The following CADM1 variants were observed in gnomAD, a reference collection of about 807,000 sequenced individuals.
The protein encoded by CADM1 is TSLC-1.
A neutral mutation model predicts 53.1 loss-of-function variants in CADM1; 15 were observed. That is an observed-to-expected ratio of 0.28 (90% CI 0.19 to 0.44). The LOEUF (loss-of-function observed/expected upper bound fraction) is 0.44, where lower values mean the gene tolerates loss of function less well. Among genes scored for constraint, CADM1 ranks in the 20% least tolerant of loss-of-function variants. The pLI, the probability that CADM1 is intolerant of heterozygous loss-of-function variation, is 1.00. For missense variants in CADM1, 434 were observed against 611.3 expected, an observed-to-expected ratio of 0.71 and a Z score of 3.06; for synonymous variants, 281 against 243.0, an observed-to-expected ratio of 1.16 and a Z score of -1.45.
intron 1 of CADM1, among the ~76,000 whole-genome samples, chr11:115,294,331 C>T (rs905004950): frequency 6.6e-6 from 1 of 152,146 alleles, no homozygotes; most frequent in African/African-American, 2.4e-5. Flanking sequence ...CCTCCACTTC[C>T]TCACCAAACC....
chr11:115,469,669 CTT>C (rs554156174), intron 1 of CADM1, among the ~76,000 whole-genome samples: 1 of 100,464 alleles, frequency 1.0e-5, no homozygotes. Context: ...AACTTCTGGG[CTT>C]TTTTTTTTTT....
Position 115,441,423 on chromosome 11 carries a change from AC to A in CADM1, c.124+62847del, listed in dbSNP as rs571067312. Among the ~76,000 whole-genome samples, 24 of 152,326 alleles carry A rather than the reference AC, an allele frequency of 1.6e-4. 1 individual carries two copies. Among genetic ancestry groups the A allele is most frequent in the Middle Eastern group, 3.4e-3 (1 of 294 alleles). On this transcript the variant is annotated intron_variant, in intron 1 of 11. Transcript: ENST00000331581. ...AAAACCAGAATGCTGTTTCACCTCT[AC>A]CCAAGACATTTAATAATGATAACTG...
chr11:115,384,518 T>A (rs1184538038), intron 1 of CADM1, among the ~76,000 whole-genome samples: 2 of 152,208 alleles, frequency 1.3e-5, no homozygotes, highest in African/African-American at 4.8e-5. Flanking sequence ...ATTCATTCTG[T>A]TTTTAATTAA....
At chr11:115,292,921 TTGC>T (rs1471106072) in intron 1 of CADM1, among the ~76,000 whole-genome samples, 2 of 152,230 alleles carry the variant, frequency 1.3e-5, no homozygotes, top group African/African-American at 4.8e-5. Flanking sequence ...CCCTTGCTAT[TTGC>T]ATACTGTAAT....
At chr11:115,459,898 A>G (rs1948758365) in intron 1 of CADM1, among the ~76,000 whole-genome samples, 1 of 152,180 alleles carries the variant, frequency 6.6e-6, no homozygotes, top group Admixed American at 6.5e-5. Context: ...TGGCCTTTCC[A>G]TACTCAGGCC....
chr11:115,409,064 G>C (rs1038190359), intron 1 of CADM1, among the ~76,000 whole-genome samples: 11 of 152,044 alleles, frequency 7.2e-5, no homozygotes, highest in African/African-American at 2.7e-4. Context: ...TATATGAAGA[G>C]ATGAACAATG....
At chr11:115,334,031 G>A (rs1423346457) in intron 1 of CADM1, among the ~76,000 whole-genome samples, 2 of 152,268 alleles carry the variant, frequency 1.3e-5, no homozygotes, top group East Asian at 3.9e-4. Context: ...CATTATGCAT[G>A]AGCCTGTTTC....
chr11:115,302,543 TTATAG>T (rs1181903795), intron 1 of CADM1, among the ~76,000 whole-genome samples: 4 of 152,110 alleles, frequency 2.6e-5, no homozygotes, highest in African/African-American at 9.7e-5. Flanking sequence ...TTTGTGAAGT[TTATAG>T]TATGTGTTAG....
intron 1 of CADM1, among the ~76,000 whole-genome samples, chr11:115,361,386 A>T (rs913361767): frequency 6.6e-6 from 1 of 152,192 alleles, no homozygotes; most frequent in Non-Finnish European, 1.5e-5. Flanking sequence ...CAGAATGTAT[A>T]ACTCAGATTC....
chr11:115,300,264 T>C (rs1944184568), intron 1 of CADM1, among the ~76,000 whole-genome samples: 2 of 152,110 alleles, frequency 1.3e-5, no homozygotes, highest in Admixed American at 6.5e-5. Flanking sequence ...ATTATGGTAA[T>C]AATTCCTACC....
At chr11:115,201,315 G>C (rs554539129) in intron 8 of CADM1, among the ~76,000 whole-genome samples, 246 of 152,250 alleles carry the variant, frequency 1.6e-3, no homozygotes, top group African/African-American at 5.4e-3. Context: ...TATGCTACTT[G>C]AACAGAGGTT....
At chr11:115,352,071 T>C (rs1945751255) in intron 1 of CADM1, among the ~76,000 whole-genome samples, 1 of 152,198 alleles carries the variant, frequency 6.6e-6, no homozygotes, top group Non-Finnish European at 1.5e-5. Context: ...ATTGTGCAGA[T>C]GTAGTGATGA....
intron 1 of CADM1, among the ~76,000 whole-genome samples, chr11:115,299,751 T>C (rs924705970): frequency 1.3e-5 from 2 of 152,098 alleles, no homozygotes; most frequent in Admixed American, 6.6e-5. Context: ...ACCATCAACA[T>C]TGTAATCAGT....
At chr11:115,492,989 A>C (rs1591303184) in intron 1 of CADM1, among the ~76,000 whole-genome samples, 2 of 152,090 alleles carry the variant, frequency 1.3e-5, no homozygotes, top group South Asian at 2.1e-4. Flanking sequence ...AAAAGTTTAG[A>C]AACAATGACA....
intron 1 of CADM1, among the ~76,000 whole-genome samples, chr11:115,430,834 G>A (rs1948029396): frequency 6.6e-6 from 1 of 152,146 alleles, no homozygotes; most frequent in South Asian, 2.1e-4. Flanking sequence ...TAGTTTATAA[G>A]GAATAAAAGA....
chr11:115,193,648 T>C (rs11215405), intron 9 of CADM1, among the ~76,000 whole-genome samples: 40,658 of 152,050 alleles, frequency 0.27, 5,951 homozygotes, highest in East Asian at 0.68. Flanking sequence ...TCTAGAGATA[T>C]TAAATCAATT....
At chr11:115,222,067 A>G (rs1941426629) in intron 5 of CADM1, among the ~76,000 whole-genome samples, 1 of 152,134 alleles carries the variant, frequency 6.6e-6, no homozygotes, top group African/African-American at 2.4e-5. Flanking sequence ...AATATTCTGA[A>G]ACACCAAGGA....
chr11:115,209,673 A>G lies in CADM1; in HGVS notation c.995-16T>C. 6.2e-7 allele frequency: 1 copy of G among 1,612,490 alleles called. No homozygotes were observed. The highest frequency in any genetic ancestry group is 8.5e-7 in the Non-Finnish European group (1 of 1,179,548). On this transcript the variant is annotated splice_polypyrimidine_tract_variant and intron_variant, in intron 7 of 11. Coordinates refer to ENST00000331581, the MANE Select transcript of CADM1 (RefSeq NM_001301043.2). ...GTGGGGGGATCTGGATAGAAAAAAAAAGGAAAATCAAACCCACAATGCTGA... is the reference window on the plus strand; with the variant it reads ...GTGGGGGGATCTGGATAGAAAAAAAGAGGAAAATCAAACCCACAATGCTGA...
intron 1 of CADM1, among the ~76,000 whole-genome samples, chr11:115,304,917 T>C (rs888036599): frequency 4.6e-5 from 7 of 151,972 alleles, no homozygotes; most frequent in African/African-American, 1.4e-4. Context: ...TATGGAATCA[T>C]TATGTAAACA....
Sources: gnomAD v4.1 joint callset for allele counts (sites outside exome capture counted in the v4.1 genomes callset) on GRCh38, gnomAD v4.1.1 for gene constraint, MANE v1.5 for transcripts, NCBI Gene and HGNC (gene_info 2026-07-23, HGNC 2026-07-21) for gene names.